ELAPOR1: variants seen among roughly 807,000 people sequenced by gnomAD.
The protein encoded by ELAPOR1 is endosome-lysosome associated apoptosis and autophagy regulator 1, also known as endosome/lysosome-associated apoptosis and autophagy regulator 1.
A neutral mutation model predicts 119.7 loss-of-function variants in ELAPOR1; 77 were observed. The observed-to-expected ratio is 0.64, with a 90% CI of 0.54 to 0.78. ELAPOR1 has a LOEUF of 0.78. Among genes scored for constraint, ELAPOR1 ranks in the 30% least tolerant of loss-of-function variants. The probability of loss-of-function intolerance (pLI) is 0.00; values close to 1 mark genes in which losing one functional copy is unlikely to be tolerated. For missense variants in ELAPOR1, 1,115 were observed against 1,270.4 expected (o/e 0.88, Z 1.86); for synonymous variants, 481 against 487.2 (o/e 0.99, Z 0.17).
chr1:109,186,946 G>A (rs1653088082), intron 8 of ELAPOR1: 1 of 985,438 alleles, frequency 1.0e-6, no homozygotes, highest in Non-Finnish European at 1.2e-6. Context: ...CCAAGGCCCA[G>A]CTCAGAGGAG....
At position 109,189,573 on chromosome 1, in the gene ELAPOR1, T is replaced by C; in HGVS notation, c.1349-19T>C. 6.2e-7 allele frequency: 1 copy of C among 1,610,808 alleles called. No individual in the cohort carries two copies. Among genetic ancestry groups the C allele is most frequent in the Non-Finnish European group, 8.5e-7 (1 of 1,177,308 alleles). On this transcript the variant is annotated intron_variant, in intron 10 of 21. Transcript: ENST00000369939. ...GCACCCAAGAGCACAAGGCATTAAC[T>C]CTCCTCTTTCCTTTTCAGGCTGGGA...
At chr1:109,141,406 C>T (rs1041186508) in intron 1 of ELAPOR1, among the ~76,000 whole-genome samples, 12 of 150,042 alleles carry the variant, frequency 8.0e-5, no homozygotes, top group South Asian at 2.1e-4. Flanking sequence ...GGACTACAGG[C>T]GCCTGCCACC....
chr1:109,176,018 G>C (rs902734947), intron 7 of ELAPOR1, among the ~76,000 whole-genome samples: 1 of 152,068 alleles, frequency 6.6e-6, no homozygotes, highest in African/African-American at 2.4e-5. Flanking sequence ...ATCAACCTGA[G>C]AGCATTCATT....
At chr1:109,135,609 G>A (rs180708548) in intron 1 of ELAPOR1, among the ~76,000 whole-genome samples, 42 of 152,306 alleles carry the variant, frequency 2.8e-4, no homozygotes, top group Middle Eastern at 3.4e-3. Context: ...CACAGGTCCT[G>A]AAACCACACT....
Position 109,192,478 on chromosome 1 carries a change from G to A in ELAPOR1, c.1684-133G>A, listed in dbSNP as rs144126559. 549 of 953,694 alleles carry A rather than the reference G, an allele frequency of 5.8e-4. 5 individuals carry two copies. The African/African-American group carries it at 8.0e-3, about 14-fold the overall frequency. The allele number at this position is 953,694 out of a possible 1,614,324, so 59.1% of individuals were successfully genotyped here. A position where few individuals can be genotyped will look rare whatever the true frequency, so the allele number is the denominator to read the frequency against. ...AGAGCTACTGGTAAGTGAGTAAAAA[G>A]AGTCAGATGCTTCTCAGATTCTTCT... On this transcript the variant is annotated intron_variant, in intron 13 of 21. Transcript: ENST00000369939.
At chr1:109,122,378 G>A (rs4364908) in intron 1 of ELAPOR1, among the ~76,000 whole-genome samples, 10,208 of 145,356 alleles carry the variant, frequency 0.07, 371 homozygotes, top group Middle Eastern at 0.097. Context: ...AAAAAAAAAG[G>A]CAGGATGTAG....
chr1:109,169,142 G>C (rs562792411), intron 3 of ELAPOR1, among the ~76,000 whole-genome samples: 10 of 150,888 alleles, frequency 6.6e-5, no homozygotes, highest in African/African-American at 2.4e-4. Flanking sequence ...TTTTCGTTTT[G>C]AGAATAACAC....
Position 109,192,796 on chromosome 1 carries a change from T to C in ELAPOR1, c.1869T>C (p.Thr623=), listed in dbSNP as rs764754524. The stretch of plus-strand genomic sequence containing the variant: ...CAGGAACCTGCCACTCCTGCCCCAC[T>C]AACACAATTCTGAAAGCCCACCAGC... The part of the protein sequence containing the change: ...RDSGTCHSCP[T]NTILKAHQPY... Residue 623 remains threonine (T), a synonymous_variant, in exon 14 of 22, where the codon ACT becomes ACC. Transcript: ENST00000369939. 1.2e-6 allele frequency: 2 copies of C among 1,613,934 alleles called. No individual in the cohort carries two copies. The highest frequency in any genetic ancestry group is 1.3e-5 in the African/African-American group (1 of 74,904).
At chr1:109,151,993 CCT>C (rs963271649) in intron 1 of ELAPOR1, among the ~76,000 whole-genome samples, 9 of 151,806 alleles carry the variant, frequency 5.9e-5, no homozygotes, top group African/African-American at 2.2e-4. Context: ...TCCACCTCAG[CCT>C]CTCAGGTAGC....
intron 1 of ELAPOR1, among the ~76,000 whole-genome samples, chr1:109,144,521 A>G (rs543505444): frequency 6.6e-6 from 1 of 152,188 alleles, no homozygotes; most frequent in East Asian, 1.9e-4. Context: ...TGGGAAGATT[A>G]CCTGAGGTCA....
Position 109,114,140 on chromosome 1 carries a change from C to A in ELAPOR1, c.-44C>A. 2 of 1,484,148 alleles carry A rather than the reference C, an allele frequency of 1.3e-6. No homozygotes were observed. The highest frequency in any genetic ancestry group is 1.3e-5 in the South Asian group (1 of 76,256). 91.9% of individuals were successfully genotyped at this position (1,484,148 alleles called of 1,614,324 possible). A position where few individuals can be genotyped will look rare whatever the true frequency, so the allele number is the denominator to read the frequency against. On this transcript the variant is annotated 5_prime_UTR_variant, in exon 1 of 22. Transcript: ENST00000369939. ...CGCCTTCTGCCAGCAGAAGCAGCAG[C>A]CGCAGCACCTGAGCCGCTACTGCCG... is the stretch of plus-strand genomic sequence containing the variant.
intron 1 of ELAPOR1, among the ~76,000 whole-genome samples, chr1:109,130,195 C>T (rs914913074): frequency 3.3e-5 from 5 of 152,186 alleles, no homozygotes; most frequent in South Asian, 2.1e-4. Flanking sequence ...AGACACTGTT[C>T]CAAAGAAGAT....
At chr1:109,188,523 C>T (rs1653217613) in intron 9 of ELAPOR1, among the ~76,000 whole-genome samples, 169 bp downstream of exon 9, 1 of 152,204 alleles carries the variant, frequency 6.6e-6, no homozygotes, top group African/African-American at 2.4e-5. Flanking sequence ...GAGGTCAGGG[C>T]TGGCCTCGTC....
chr1:109,127,215 CTTT>C (rs371961969), intron 1 of ELAPOR1, among the ~76,000 whole-genome samples: 2 of 129,030 alleles, frequency 1.6e-5, no homozygotes, highest in African/African-American at 2.8e-5. Context: ...TTTTTCTTTT[CTTT>C]TTTTTTTTTT....
intron 1 of ELAPOR1, among the ~76,000 whole-genome samples, chr1:109,134,684 G>T (rs758987371): frequency 1.3e-5 from 2 of 152,156 alleles, no homozygotes; most frequent in Non-Finnish European, 2.9e-5. Context: ...GCCCTGCGGA[G>T]CTGAGCTGGT....
rs1226802292 is a variant in ELAPOR1, at chr1:109,203,681, CCTGG to C, written c.*672_*675del. 2.0e-5 allele frequency: 3 copies of C among 151,834 alleles called. No homozygotes were observed. The highest frequency in any genetic ancestry group is 3.9e-4 in the East Asian group (2 of 5,158). The allele number at this position is 151,834 out of a possible 1,614,324, so 9.4% of individuals were successfully genotyped here. On this transcript the variant is annotated 3_prime_UTR_variant, in exon 22 of 22. Transcript: ENST00000369939. Reference sequence around the variant, plus strand: ...CATGAGGTCGGGAGATTGAGACCATCCTGGCTAACACGGTGAAACCCCGTCTCTA... The same window carrying C: ...CATGAGGTCGGGAGATTGAGACCATCCTAACACGGTGAAACCCCGTCTCTA...
intron 1 of ELAPOR1, among the ~76,000 whole-genome samples, chr1:109,117,321 G>T (rs1303866641): frequency 6.6e-6 from 1 of 152,190 alleles, no homozygotes; most frequent in Non-Finnish European, 1.5e-5. Flanking sequence ...TTTAGCCAAG[G>T]CTAAGTGCTG....
chr1:109,185,400 G>GCCA (rs771131559), intron 8 of ELAPOR1, among the ~76,000 whole-genome samples: 17 of 151,436 alleles, frequency 1.1e-4, no homozygotes, highest in Non-Finnish European at 2.5e-4. Context: ...ATTCTCTCTT[G>GCCA]CTTGGTTTCT....
intron 1 of ELAPOR1, among the ~76,000 whole-genome samples, chr1:109,159,159 G>T (rs1651084416): frequency 1.3e-5 from 2 of 152,116 alleles, no homozygotes; most frequent in South Asian, 4.1e-4. Context: ...CTCCCAAAGT[G>T]CTGGGATTAC....
Sources: allele counts gnomAD v4.1 joint callset (sites outside exome capture counted in the v4.1 genomes callset), GRCh38; gene constraint gnomAD v4.1.1; transcripts MANE v1.5; gene names NCBI Gene and HGNC (gene_info 2026-07-23, HGNC 2026-07-21).